The following SLC41A1 variants were observed in gnomAD, a reference collection of about 807,000 sequenced individuals.
The protein encoded by SLC41A1 is solute carrier family 41 member 1, also known as solute carrier family 41 (magnesium transporter), member 1.
SLC41A1 carries 20 observed loss-of-function variants against 47.3 expected under a neutral mutation model. The ratio of observed to expected loss-of-function variants is 0.42; its 90% CI spans 0.30 to 0.61. SLC41A1 has a LOEUF of 0.61. Among genes scored for constraint, SLC41A1 ranks in the 20% least tolerant of loss-of-function variants. The pLI, the probability that SLC41A1 is intolerant of heterozygous loss-of-function variation, is 0.17. For missense variants in SLC41A1, 504 were observed against 674.1 expected (o/e 0.75, Z 2.79); for synonymous variants, 282 against 272.7 (o/e 1.03, Z -0.34).
rs61822600 is a variant in SLC41A1 at position 205,808,018 on chromosome 1, C to T, written c.372+2052G>A. On this transcript the variant is annotated intron_variant, in intron 2 of 10. Transcript: ENST00000367137. ...TCACCCAGGCTGGAGAGCAGTGGCA[C>T]GATCTTGGCTCATTGCAGCCTCCAC... is the stretch of plus-strand genomic sequence containing the variant. Among the ~76,000 whole-genome samples the T allele has an allele frequency of 3.1e-3, 473 of 151,654 alleles. 1 individual carries two copies. The highest frequency in any genetic ancestry group is 0.011 in the African/African-American group (444 of 41,270).
chr1:205,795,310 C>T (rs566113884), intron 9 of SLC41A1, 34 bp downstream of exon 9: 1 of 1,613,944 alleles, frequency 6.2e-7, no homozygotes, highest in Admixed American at 1.7e-5. Context: ...GGCCCACTCC[C>T]CCCAGGGCTG....
At position 205,805,651 on chromosome 1, in the gene SLC41A1, T is replaced by C. The variant is rs534678067; in HGVS notation, c.372+4419A>G. Among the ~76,000 whole-genome samples the C allele has an allele frequency of 1.1e-4, 17 of 152,318 alleles. No homozygotes were observed. In the South Asian group the frequency reaches 3.1e-3, roughly 28 times the overall value. On this transcript the variant is annotated intron_variant, in intron 2 of 10. Transcript: ENST00000367137. ...TCAGAAATGCAGCTCCTCATCTCTT[T>C]CCTTCTCTAACCTTGGTGTGAGGGG...
At chr1:205,797,828 T>C (rs1445451333) in intron 7 of SLC41A1, 76 bp downstream of exon 7, 2 of 1,589,980 alleles carry the variant, frequency 1.3e-6, no homozygotes, top group African/African-American at 1.3e-5. Flanking sequence ...CCCCACCCCA[T>C]CTCTCCAGGG....
Position 205,813,173 on chromosome 1 carries a change from G to T in SLC41A1, c.-1012C>A, listed in dbSNP as rs1047634854. 8.1e-6 allele frequency: 8 copies of T among 985,392 alleles called. No individual in the cohort carries two copies. Among genetic ancestry groups the T allele is most frequent in the Non-Finnish European group, 3.6e-6 (3 of 829,996 alleles). The allele number at this position is 985,392 out of a possible 1,614,324, so 61.0% of individuals were successfully genotyped here. The stretch of plus-strand genomic sequence containing the variant: ...CTCGGGCCCAACTGGTTGGCTGCCG[G>T]TGGCAAACGTGATCTGGGGCAGACT... On this transcript the variant is annotated 5_prime_UTR_variant, in exon 1 of 11. Coordinates refer to ENST00000367137, the MANE Select transcript of SLC41A1 (RefSeq NM_173854.6).
chr1:205,807,682 G>A (rs1168123357), intron 2 of SLC41A1, among the ~76,000 whole-genome samples: 2 of 117,998 alleles, frequency 1.7e-5, no homozygotes, highest in African/African-American at 3.2e-5. Context: ...TTGAGACAGC[G>A]TTTGGCTCTG....
chr1:205,808,198 C>T (rs113384511), intron 2 of SLC41A1, among the ~76,000 whole-genome samples: 1,567 of 152,210 alleles, frequency 0.01, 22 homozygotes, highest in African/African-American at 0.035. Flanking sequence ...TCAGGTGATC[C>T]GCCCGTCTTG....
In SLC41A1 at chr1:205,810,784, C is replaced by G. The variant is rs986361899; in HGVS notation, c.-343G>C. 1.2e-4 allele frequency: 42 copies of G among 361,856 alleles called. No homozygotes were observed. Among genetic ancestry groups the G allele is most frequent in the Non-Finnish European group, 2.0e-4 (37 of 188,846 alleles). The allele number at this position is 361,856 out of a possible 1,614,324, so 22.4% of individuals were successfully genotyped here. ...GTTCTCAGTGGCAGGCTCCTCAGAG[C>G]AGGGGGCATCCAGAGTAGAAGAGCT... On this transcript the variant is annotated 5_prime_UTR_variant, in exon 2 of 11. Transcript: ENST00000367137. This position sits in a 1 kb window ranked among gnomAD's most constrained non-coding sequence, Gnocchi z 5.5.
chr1:205,803,264 C>T (rs1252934045), intron 2 of SLC41A1, among the ~76,000 whole-genome samples: 1 of 152,008 alleles, frequency 6.6e-6, no homozygotes, highest in Non-Finnish European at 1.5e-5. Context: ...TACGGTGGTT[C>T]CTCAAAAAAT....
At chr1:205,794,783 T>G in intron 10 of SLC41A1, 87 bp downstream of exon 10, 1 of 1,552,876 alleles carries the variant, frequency 6.4e-7, no homozygotes, top group Non-Finnish European at 8.8e-7. Flanking sequence ...GGAGGTTGAG[T>G]GTCTAAGAGG....
rs1456799327 is a variant in SLC41A1, at chr1:205,810,033, G to C, written c.372+37C>G. 1.2e-6 allele frequency: 2 copies of C among 1,613,776 alleles called. No homozygotes were observed. Among genetic ancestry groups the C allele is most frequent in the Non-Finnish European group, 1.7e-6 (2 of 1,179,910 alleles). On this transcript the variant is annotated intron_variant, in intron 2 of 10. Transcript: ENST00000367137. This position sits in a 1 kb window ranked among gnomAD's most constrained non-coding sequence, Gnocchi z 5.5. ...TTTCCCAGCAGGCAAAGGTGGCCCTGGGCTCACAGTCAAGAGCTGCCCTAC... is the reference window on the plus strand; with the variant it reads ...TTTCCCAGCAGGCAAAGGTGGCCCTCGGCTCACAGTCAAGAGCTGCCCTAC...
intron 2 of SLC41A1, 75 bp downstream of exon 2, chr1:205,809,995 A>C (rs1656107830): frequency 6.2e-7 from 1 of 1,600,610 alleles, no homozygotes. Context: ...GGAGGTAGAG[A>C]GGAAGTTCCA....
chr1:205,804,720 T>C (rs1655975463), intron 2 of SLC41A1, among the ~76,000 whole-genome samples: 1 of 152,054 alleles, frequency 6.6e-6, no homozygotes, highest in African/African-American at 2.4e-5. Context: ...CCTTGCGGGC[T>C]TTCAAAGCTC....
rs1342790069 is a variant in SLC41A1, at chr1:205,790,284, G to A, written c.*1249C>T. 6.6e-6 allele frequency: 1 copy of A among 152,230 alleles called. No homozygotes were observed. The highest frequency in any genetic ancestry group is 1.5e-5 in the Non-Finnish European group (1 of 68,052). 9.4% of individuals were successfully genotyped at this position (152,230 alleles called of 1,614,324 possible). On this transcript the variant is annotated 3_prime_UTR_variant, in exon 11 of 11. Transcript: ENST00000367137. Reference sequence around the variant, plus strand: ...ACCTGGAGAATGAGGTGAGGTTAGAGCTGTGTTTCCCTTACCACTGGCTTA... The same window carrying A: ...ACCTGGAGAATGAGGTGAGGTTAGAACTGTGTTTCCCTTACCACTGGCTTA...
In SLC41A1 at chr1:205,795,308, C is replaced by A. The variant is rs778108172; in HGVS notation, c.1207+36G>T. The A allele has an allele frequency of 4.3e-6, 7 of 1,613,748 alleles. No homozygotes were observed. The South Asian group carries it at 4.4e-5, about 10-fold the overall frequency. On this transcript the variant is annotated intron_variant, in intron 9 of 10. Transcript: ENST00000367137. ...GAAGCTCACTGACAGTAGGCCCACT[C>A]CCCCCAGGGCTGGGAGGCTGGGAAT...
At chr1:205,809,326 C>T (rs1656087193) in intron 2 of SLC41A1, among the ~76,000 whole-genome samples, 1 of 152,216 alleles carries the variant, frequency 6.6e-6, no homozygotes, top group African/African-American at 2.4e-5. Context: ...CTTCATTCTA[C>T]CCAATGTCCT....
In SLC41A1 at chr1:205,791,856, C is replaced by G. The variant is rs1655635824; in HGVS notation, c.1357-138G>C. The G allele has an allele frequency of 1.9e-6, 2 of 1,076,544 alleles. No homozygotes were observed. The highest frequency in any genetic ancestry group is 2.0e-5 in the Admixed American group (1 of 49,312). 66.7% of individuals were successfully genotyped at this position (1,076,544 alleles called of 1,614,324 possible). A position where few individuals can be genotyped will look rare whatever the true frequency, so the allele number is the denominator to read the frequency against. ...TACTTTTTAATCTTCCTCTTTCCAC[C>G]CCAGCAACCTCTCTGTGTTTCTCCA... On this transcript the variant is annotated intron_variant, in intron 10 of 10. Transcript: ENST00000367137. The surrounding 1 kb of genome is among the most constrained non-coding windows in gnomAD (Gnocchi z 4.0).
chr1:205,811,824 TG>T (rs1423875011), intron 1 of SLC41A1, among the ~76,000 whole-genome samples: 2 of 152,228 alleles, frequency 1.3e-5, no homozygotes, highest in Admixed American at 6.5e-5. Context: ...CCCCTGCTCT[TG>T]GCCCTGTGAG....
In SLC41A1 at chr1:205,791,350, C is replaced by T; in HGVS notation, c.*183G>A. 1.3e-6 allele frequency: 1 copy of T among 743,612 alleles called. No homozygotes were observed. The highest frequency in any genetic ancestry group is 2.8e-5 in the East Asian group (1 of 35,854). The allele number at this position is 743,612 out of a possible 1,614,324, so 46.1% of individuals were successfully genotyped here. ...CTTATCTCAGGCCATCTGTGTTTCC[C>T]AAATTCTTGCTATACAAACTTGGCT... is the stretch of plus-strand genomic sequence containing the variant. On this transcript the variant is annotated 3_prime_UTR_variant, in exon 11 of 11. Transcript: ENST00000367137. This position sits in a 1 kb window ranked among gnomAD's most constrained non-coding sequence, Gnocchi z 4.0.
In SLC41A1 at chr1:205,812,894, C is replaced by A; in HGVS notation, c.-733G>T. 1 of 985,508 alleles carries A rather than the reference C, an allele frequency of 1.0e-6. No homozygotes were observed. The highest frequency in any genetic ancestry group is 1.2e-6 in the Non-Finnish European group (1 of 830,004). The allele number at this position is 985,508 out of a possible 1,614,324, so 61.0% of individuals were successfully genotyped here. On this transcript the variant is annotated 5_prime_UTR_variant, in exon 1 of 11. It removes an upstream start codon present in the reference 5' UTR. Coordinates refer to ENST00000367137, the MANE Select transcript of SLC41A1 (RefSeq NM_173854.6). The stretch of plus-strand genomic sequence containing the variant: ...GGGGGTGCAGGGCACCCCCTCTTCT[C>A]ATCACTCCTCCTCGACAGTCCTCCT...
Sources: gnomAD v4.1 joint callset for allele counts (sites outside exome capture counted in the v4.1 genomes callset) on GRCh38, gnomAD v4.1.1 for gene constraint, Gnocchi (gnomAD v3.1) non-coding constraint, MANE v1.5 for transcripts, NCBI Gene and HGNC (gene_info 2026-07-23, HGNC 2026-07-21) for gene names.